Variants in ENPP1 observed in about 807,000 individuals in gnomAD.
The protein encoded by ENPP1 is ectonucleotide pyrophosphatase/phosphodiesterase 1.
ENPP1 carries 73 observed loss-of-function variants against 122.8 expected under a neutral mutation model. That is an observed-to-expected ratio of 0.59 (90% confidence interval 0.49 to 0.72). The LOEUF (loss-of-function observed/expected upper bound fraction) is 0.72, where lower values mean the gene tolerates loss of function less well. ENPP1 is among the 30% of genes least tolerant of loss of function. ENPP1 has a pLI of 0.00. For synonymous variants in ENPP1, 367 were observed against 391.6 expected, an observed-to-expected ratio of 0.94 and a Z score of 0.74; for missense variants, 978 against 1,128.1, an observed-to-expected ratio of 0.87 and a Z score of 1.91.
intron 24 of ENPP1, 84 bp from the exon 25 acceptor site, chr6:131,890,257 A>T (rs778441227): frequency 7.9e-5 from 87 of 1,098,820 alleles, no homozygotes; most frequent in African/African-American, 1.1e-4. Context: ...CTCGTAAATG[A>T]TTAAACTGGG....
At chr6:131,833,644 C>T (rs1781639033) in intron 1 of ENPP1, among the ~76,000 whole-genome samples, 1 of 152,114 alleles carries the variant, frequency 6.6e-6, no homozygotes, top group African/African-American at 2.4e-5. Context: ...ACATTTGCTC[C>T]ATTTGCCATT....
At chr6:131,856,117 A>T (rs183862576) in intron 6 of ENPP1, among the ~76,000 whole-genome samples, 1 of 152,114 alleles carries the variant, frequency 6.6e-6, no homozygotes, top group Non-Finnish European at 1.5e-5. Flanking sequence ...TACATGGAAG[A>T]AGATAGTTTT....
intron 17 of ENPP1, 120 bp downstream of exon 17, chr6:131,875,983 C>T: frequency 2.6e-6 from 2 of 766,300 alleles, no homozygotes; most frequent in Non-Finnish European, 4.6e-6. Context: ...CAGATTTTTA[C>T]CTTCTTCCTG....
At chr6:131,848,252 A>G (rs574533172) in intron 2 of ENPP1, among the ~76,000 whole-genome samples, 46 of 152,324 alleles carry the variant, frequency 3.0e-4, no homozygotes, top group African/African-American at 1.1e-3. Flanking sequence ...AATTGCAGAC[A>G]TTGGTTGTTT....
At position 131,869,478 on chromosome 6, in the gene ENPP1, A is replaced by C. The variant is rs1782132261; in HGVS notation, c.1394A>C (p.Lys465Thr). The C allele has an allele frequency of 1.2e-6, 2 of 1,613,416 alleles. No individual in the cohort carries two copies. The highest frequency in any genetic ancestry group is 1.3e-5 in the African/African-American group (1 of 74,912). Residue 465 changes from lysine (K) to threonine (T), a missense_variant, in exon 13 of 25, where the codon AAA (lysine) becomes ACA (threonine). Coordinates refer to ENST00000647893, the MANE Select transcript of ENPP1 (RefSeq NM_006208.3). ...ARLRPSDVPD[K>T]YYSFNYEGIA... Reference sequence around the variant, plus strand: ...TTGAGACCCTCTGATGTCCCAGATAAATACTATTCATGTAAGTATATCTCT... The same window carrying C: ...TTGAGACCCTCTGATGTCCCAGATACATACTATTCATGTAAGTATATCTCT...
chr6:131,889,651 T>C (rs997418192), intron 24 of ENPP1, among the ~76,000 whole-genome samples: 4 of 152,234 alleles, frequency 2.6e-5, no homozygotes, highest in African/African-American at 9.6e-5. Flanking sequence ...TAGTATTCCA[T>C]GGTGTGTATG....
intron 17 of ENPP1, among the ~76,000 whole-genome samples, chr6:131,876,139 C>T (rs145546081): frequency 9.3e-4 from 141 of 152,276 alleles, no homozygotes; most frequent in Middle Eastern, 3.4e-3. Context: ...GCTAGGCCCT[C>T]GGCTTAGTGA....
At chr6:131,843,794 A>G (rs1781771285) in intron 1 of ENPP1, among the ~76,000 whole-genome samples, 1 of 151,546 alleles carries the variant, frequency 6.6e-6, no homozygotes, top group Admixed American at 6.6e-5. Context: ...CCTCGTTGAC[A>G]GTCTTTGTTG....
intron 17 of ENPP1, 142 bp downstream of exon 17, chr6:131,876,005 C>A: frequency 2.8e-6 from 2 of 710,630 alleles, no homozygotes. Flanking sequence ...CTCTCAGACT[C>A]ACTGAAGAAA....
intron 2 of ENPP1, 124 bp from the exon 3 acceptor site, chr6:131,849,866 C>A (rs114868782): frequency 5.4e-6 from 4 of 744,814 alleles, no homozygotes; most frequent in Non-Finnish European, 9.6e-6. Flanking sequence ...ACTTTATTAC[C>A]CCATCTGTAT....
intron 1 of ENPP1, chr6:131,828,119 T>C (rs1781568023): frequency 1.7e-6 from 1 of 587,896 alleles, no homozygotes. Flanking sequence ...GGAGTCCTGC[T>C]GTCAGTGGAG....
chr6:131,831,368 T>TA (rs1354522320), intron 1 of ENPP1, among the ~76,000 whole-genome samples: 1 of 152,176 alleles, frequency 6.6e-6, no homozygotes, highest in Non-Finnish European at 1.5e-5. Context: ...GTCCATTTGT[T>TA]ACAGCTCATG....
rs564304453 is a variant in ENPP1, at chr6:131,893,949, C to CTTTTTTTTTTTTTTTTTT, written c.*3451_*3468dup. On this transcript the variant is annotated 3_prime_UTR_variant, in exon 25 of 25. Transcript: ENST00000647893. ...GTGAAACCTTTATTTATCTTGATTTCTTTTTTTTTTTTTTTTTTTTTTTTT... is the reference window on the plus strand; with the variant it reads ...GTGAAACCTTTATTTATCTTGATTTCTTTTTTTTTTTTTTTTTTTTTTTTTTTTTTTTTTTTTTTTTTT... 166 of 59,542 alleles carry CTTTTTTTTTTTTTTTTTT rather than the reference C, an allele frequency of 2.8e-3. 4 individuals are homozygous for CTTTTTTTTTTTTTTTTTT. The highest frequency in any genetic ancestry group is 4.1e-3 in the Non-Finnish European group (135 of 32,686). 3.7% of individuals were successfully genotyped at this position (59,542 alleles called of 1,614,324 possible).
Position 131,894,587 on chromosome 6 carries a change from G to A in ENPP1, c.*4076G>A, listed in dbSNP as rs1290361092. ...AGCTGCTGTGTGCTTCTTAAGTGAG[G>A]TAAGTAACTTCCATAGAAAATTTCC... On this transcript the variant is annotated 3_prime_UTR_variant, in exon 25 of 25. Transcript: ENST00000647893. 1 of 152,096 alleles carries A rather than the reference G, an allele frequency of 6.6e-6. No individual in the cohort carries two copies. The highest frequency in any genetic ancestry group is 1.5e-5 in the Non-Finnish European group (1 of 68,034). The allele number at this position is 152,096 out of a possible 1,614,324, so 9.4% of individuals were successfully genotyped here. A position where few individuals can be genotyped will look rare whatever the true frequency, so the allele number is the denominator to read the frequency against.
At chr6:131,818,647 CA>C (rs148192397) in intron 1 of ENPP1, among the ~76,000 whole-genome samples, 88,748 of 143,398 alleles carry the variant, frequency 0.62, 26,881 homozygotes, top group Middle Eastern at 0.69. Context: ...GACTCTGTCT[CA>C]AAAAAAAAAA....
chr6:131,854,993 G>T lies in ENPP1; in HGVS notation c.685G>T (p.Gly229Cys), dbSNP rs147798392. 1 of 1,613,122 alleles carries T rather than the reference G, an allele frequency of 6.2e-7. No individual in the cohort carries two copies. Among genetic ancestry groups the T allele is most frequent in the East Asian group, 2.2e-5 (1 of 44,824 alleles). Reference sequence around the variant, plus strand: ...CAGGGCAGAATATTTACACACTTGGGGTGGACTTCTTCCTGTTATTAGCAA... The same window carrying T: ...CAGGGCAGAATATTTACACACTTGGTGTGGACTTCTTCCTGTTATTAGCAA... ...GFRAEYLHTW[G>C]GLLPVISKLK... Residue 229 changes from glycine to cysteine, a missense_variant, in exon 6 of 25, where the codon GGT (glycine) becomes TGT (cysteine). This residue lies in a region of ENPP1 where 330 missense variants were observed against 328.5 expected (regional missense o/e 1.00). Coordinates refer to ENST00000647893, the MANE Select transcript of ENPP1 (RefSeq NM_006208.3).
At chr6:131,870,803 C>T (rs1017566087) in intron 13 of ENPP1, among the ~76,000 whole-genome samples, 34 of 152,176 alleles carry the variant, frequency 2.2e-4, no homozygotes, top group African/African-American at 1.7e-4. Flanking sequence ...AGACTGGACA[C>T]GATGGTGGCT....
At chr6:131,868,957 C>T (rs1239675796) in intron 12 of ENPP1, among the ~76,000 whole-genome samples, 1 of 152,110 alleles carries the variant, frequency 6.6e-6, no homozygotes, top group Non-Finnish European at 1.5e-5. Context: ...TGTTTAGAAG[C>T]AGTCCTAAGA....
Position 131,890,480 on chromosome 6 carries a change from C to G in ENPP1, c.2747C>G (p.Thr916Arg), listed in dbSNP as rs1450718960. The change falls in exon 25 of 25, where the codon ACA becomes AGA. Residue 916 changes from threonine (T) to arginine (R), a missense_variant. By Grantham distance (71) the Thr-to-Arg change is moderately conservative. Around this residue, in one of 3 missense-constraint regions of ENPP1, gnomAD observed 644 missense variants for 781.5 expected, o/e 0.82. Coordinates refer to ENST00000647893, the MANE Select transcript of ENPP1 (RefSeq NM_006208.3). The stretch of plus-strand genomic sequence containing the variant: ...GTTTCAGACATTTTAAAGTTGAAAA[C>G]ACATTTGCCAACCTTTAGCCAAGAA... The part of the protein sequence containing the change: ...EPVSDILKLK[T>R]HLPTFSQED The G allele has an allele frequency of 1.9e-6, 3 of 1,614,070 alleles. No homozygotes were observed. Among genetic ancestry groups the G allele is most frequent in the Non-Finnish European group, 2.5e-6 (3 of 1,179,918 alleles).
Sources: gnomAD v4.1 joint callset for allele counts (sites outside exome capture counted in the v4.1 genomes callset) on GRCh38, gnomAD v4.1.1 for gene constraint, gnomAD v4.1.1 regional missense constraint, MANE v1.5 for transcripts, NCBI Gene and HGNC (gene_info 2026-07-23, HGNC 2026-07-21) for gene names.